Variants in CTNNA2 observed in about 807,000 individuals in gnomAD.
The protein encoded by CTNNA2 is catenin alpha-2.
CTNNA2 carries 42 observed loss-of-function variants against 101.0 expected under a neutral mutation model. The ratio of observed to expected loss-of-function variants is 0.42; its 90% CI spans 0.32 to 0.54. The LOEUF (loss-of-function observed/expected upper bound fraction) is 0.54, where lower values mean the gene tolerates loss of function less well. Among genes scored for constraint, CTNNA2 ranks in the 20% least tolerant of loss-of-function variants. The probability of loss-of-function intolerance (pLI) is 0.14; values close to 1 mark genes in which losing one functional copy is unlikely to be tolerated. For missense variants in CTNNA2, 871 were observed against 1,223.1 expected (o/e 0.71, Z 4.29); for synonymous variants, 450 against 456.4 (o/e 0.99, Z 0.18).
chr2:80,488,203 T>A (rs928068057), intron 9 of CTNNA2, among the ~76,000 whole-genome samples: 3 of 152,224 alleles, frequency 2.0e-5, no homozygotes, highest in African/African-American at 7.2e-5. Context: ...TTACCTCCTA[T>A]GGATACAGCG....
chr2:79,911,451 G>T (rs773272671), intron 7 of CTNNA2, among the ~76,000 whole-genome samples: 4 of 152,184 alleles, frequency 2.6e-5, no homozygotes, highest in Non-Finnish European at 4.4e-5. Flanking sequence ...ATCACAGAAC[G>T]TGACTAAATA....
intron 10 of CTNNA2, 38 bp from the exon 11 acceptor site, chr2:80,545,869 T>C: frequency 6.2e-7 from 1 of 1,603,886 alleles, no homozygotes; most frequent in Non-Finnish European, 8.5e-7. Flanking sequence ...TTTTGAAGTG[T>C]GTGGTCATCA....
At chr2:79,929,170 A>G (rs1163063428) in intron 7 of CTNNA2, among the ~76,000 whole-genome samples, 1 of 152,148 alleles carries the variant, frequency 6.6e-6, no homozygotes, top group Non-Finnish European at 1.5e-5. Context: ...TGGATTAGCA[A>G]CTGAATATAT....
chr2:79,864,798 G>C (rs1426168178), intron 4 of CTNNA2, among the ~76,000 whole-genome samples: 2 of 152,108 alleles, frequency 1.3e-5, no homozygotes, highest in Non-Finnish European at 2.9e-5. Context: ...AAACTACCTG[G>C]GCTCAAATCC....
rs75354420 is a variant in CTNNA2, at chr2:79,530,733, T to A, written c.-6+17526T>A. 0.011 allele frequency among the ~76,000 whole-genome samples: 1,669 copies of A among 152,226 alleles called. 86 individuals carry two copies. In the East Asian group the frequency reaches 0.14, roughly 13 times the overall value. ...AAACCTGATAGTATTGAAGAGTCAG[T>A]GTGAAACAGAAATTAGATGTTGTAT... On this transcript the variant is annotated intron_variant, in intron 1 of 18. Coordinates refer to ENST00000402739, the MANE Select transcript of CTNNA2 (RefSeq NM_001282597.3).
At chr2:80,581,630 C>T in intron 13 of CTNNA2, 76 bp from the exon 14 acceptor site, 5 of 888,760 alleles carry the variant, frequency 5.6e-6, no homozygotes, top group Non-Finnish European at 9.4e-6. Flanking sequence ...GGATATTTAG[C>T]CTTTGCAATG....
chr2:80,373,998 G>C (rs529344384), intron 7 of CTNNA2, among the ~76,000 whole-genome samples: 87 of 151,682 alleles, frequency 5.7e-4, no homozygotes, highest in African/African-American at 2.1e-3. Flanking sequence ...GGTATTTCCT[G>C]TTACACCATA....
At chr2:79,913,654 A>C (rs1212794942) in intron 7 of CTNNA2, among the ~76,000 whole-genome samples, 1 of 152,208 alleles carries the variant, frequency 6.6e-6, no homozygotes, top group Non-Finnish European at 1.5e-5. Context: ...GGATAGCAAT[A>C]GAAGTGGCAT....
chr2:79,553,491 C>T (rs1674245122), intron 1 of CTNNA2, among the ~76,000 whole-genome samples: 5 of 152,082 alleles, frequency 3.3e-5, no homozygotes, highest in Admixed American at 3.3e-4. Flanking sequence ...CTACTGGAGA[C>T]TGGGTAATTT....
intron 7 of CTNNA2, among the ~76,000 whole-genome samples, chr2:80,329,997 C>A (rs185293701): frequency 5.9e-5 from 9 of 152,380 alleles, no homozygotes; most frequent in Non-Finnish European, 1.2e-4. Context: ...AGGTGCCCTG[C>A]ACCCCTTCCT....
intron 7 of CTNNA2, among the ~76,000 whole-genome samples, chr2:79,976,947 A>C (rs1690891060): frequency 6.6e-6 from 1 of 152,150 alleles, no homozygotes. Context: ...CTTAAATATG[A>C]GACTTGTTCT....
chr2:80,099,644 G>A (rs1048258411), intron 7 of CTNNA2, among the ~76,000 whole-genome samples: 1 of 151,774 alleles, frequency 6.6e-6, no homozygotes, highest in African/African-American at 2.4e-5. Flanking sequence ...CCAAAATGCA[G>A]ATTGCAGATC....
intron 2 of CTNNA2, among the ~76,000 whole-genome samples, chr2:79,261,223 A>G (rs1674917233): frequency 6.6e-6 from 1 of 152,210 alleles, no homozygotes; most frequent in Non-Finnish European, 1.5e-5. Flanking sequence ...CTTCCCATCC[A>G]TACTCCCAGT....
At chr2:79,874,828 A>T (rs1431160636) in intron 6 of CTNNA2, among the ~76,000 whole-genome samples, 1 of 152,122 alleles carries the variant, frequency 6.6e-6, no homozygotes, top group Admixed American at 6.5e-5. Flanking sequence ...AGAAGAAACA[A>T]CTGTATTTAA....
chr2:79,616,584 C>T (rs558515979), intron 1 of CTNNA2, among the ~76,000 whole-genome samples: 1 of 152,270 alleles, frequency 6.6e-6, no homozygotes, highest in African/African-American at 2.4e-5. Flanking sequence ...CAGCCACCCT[C>T]GTCTTTCATC....
At chr2:80,390,553 C>CTG (rs1313832429) in intron 7 of CTNNA2, among the ~76,000 whole-genome samples, 2 of 152,210 alleles carry the variant, frequency 1.3e-5, no homozygotes, top group African/African-American at 4.8e-5. Flanking sequence ...CAGTTACAAT[C>CTG]TTGAACATGA....
At chr2:80,143,472 C>G (rs1018875657) in intron 7 of CTNNA2, among the ~76,000 whole-genome samples, 1 of 152,052 alleles carries the variant, frequency 6.6e-6, no homozygotes, top group African/African-American at 2.4e-5. Context: ...TATTTTGAAA[C>G]AGGCAGTACA....
At chr2:80,547,705 T>TTTTTTTTTTTG in intron 11 of CTNNA2, among the ~76,000 whole-genome samples, 2 of 150,280 alleles carry the variant, frequency 1.3e-5, no homozygotes, top group Non-Finnish European at 1.5e-5. Flanking sequence ...TTTTTTTTTT[T>TTTTTTTTTTTG]TGAGATGGAG....
intron 7 of CTNNA2, among the ~76,000 whole-genome samples, chr2:80,170,636 G>T (rs1486002727): frequency 1.3e-5 from 2 of 152,160 alleles, no homozygotes; most frequent in Non-Finnish European, 2.9e-5. Context: ...CACATAGTAA[G>T]TGCTAAGTTA....
Sources: gnomAD v4.1 joint callset for allele counts (sites outside exome capture counted in the v4.1 genomes callset) on GRCh38, gnomAD v4.1.1 for gene constraint, MANE v1.5 for transcripts, NCBI Gene and HGNC (gene_info 2026-07-23, HGNC 2026-07-21) for gene names.